The following GRB10 variants were observed in gnomAD, a reference collection of about 807,000 sequenced individuals.
GRB10 encodes growth factor receptor bound protein 10, also known as growth factor receptor-bound protein 10.
Under a neutral mutation model 80.9 loss-of-function variants are expected in GRB10, and 20 were observed. The observed-to-expected ratio is 0.25, with a 90% CI of 0.17 to 0.36. The LOEUF is 0.36. Ranked by LOEUF, GRB10 falls within the 10% of genes least tolerant of loss-of-function variation. The pLI is 1.00. For missense variants in GRB10, 548 were observed against 747.7 expected (o/e 0.73, Z 3.12); for synonymous variants, 291 against 291.5 (o/e 1.00, Z 0.02).
chr7:50,601,754 T>G (rs1221370246), intron 17 of GRB10, among the ~76,000 whole-genome samples: 2 of 152,170 alleles, frequency 1.3e-5, no homozygotes, highest in African/African-American at 4.8e-5. Flanking sequence ...AACCCAACAT[T>G]TATTTTTTGT....
At chr7:50,661,893 C>A in intron 7 of GRB10, among the ~76,000 whole-genome samples, 1 of 152,308 alleles carries the variant, frequency 6.6e-6, no homozygotes, top group Admixed American at 6.5e-5. Flanking sequence ...GGACAAGTGC[C>A]GTGACACAGG....
At chr7:50,778,158 A>G (rs568445117) in intron 2 of GRB10, among the ~76,000 whole-genome samples, 15 of 152,322 alleles carry the variant, frequency 9.8e-5, no homozygotes, top group Non-Finnish European at 1.9e-4. Flanking sequence ...ATTTGGAACC[A>G]CCATAGTCTA....
At chr7:50,653,168 C>G (rs528054119) in intron 7 of GRB10, among the ~76,000 whole-genome samples, 1 of 152,168 alleles carries the variant, frequency 6.6e-6, no homozygotes, top group African/African-American at 2.4e-5. Flanking sequence ...TTCCTGGGCA[C>G]GGGCAGCAGG....
At chr7:50,761,457 A>T (rs1240894761) in intron 2 of GRB10, among the ~76,000 whole-genome samples, 1 of 152,202 alleles carries the variant, frequency 6.6e-6, no homozygotes, top group African/African-American at 2.4e-5. Context: ...GAAAGATTTT[A>T]GTGGTGAGGT....
In GRB10 at chr7:50,595,638, G is replaced by C. The variant is rs889431557; in HGVS notation, c.1545-108C>G. 6.1e-5 allele frequency: 20 copies of C among 325,346 alleles called. 1 individual carries two copies. Among genetic ancestry groups the C allele is most frequent in the South Asian group, 1.0e-4 (2 of 19,280 alleles). The allele number at this position is 325,346 out of a possible 1,614,324, so 20.2% of individuals were successfully genotyped here. ...ACACACACACACACACACACACACA[G>C]GCTTGGAGCCACAATGCTTCAGTGC... On this transcript the variant is annotated intron_variant, in intron 17 of 18. Transcript: ENST00000401949.
intron 14 of GRB10, among the ~76,000 whole-genome samples, 168 bp downstream of exon 14, chr7:50,606,169 T>C (rs1053470826): frequency 2.0e-5 from 3 of 152,208 alleles, no homozygotes; most frequent in Non-Finnish European, 4.4e-5. Flanking sequence ...CGTTGCACTG[T>C]TGAGACTACA....
At chr7:50,723,324 T>A (rs1296134316) in intron 4 of GRB10, among the ~76,000 whole-genome samples, 1 of 152,194 alleles carries the variant, frequency 6.6e-6, no homozygotes, top group Admixed American at 6.5e-5. Flanking sequence ...ATTACTTGGG[T>A]ACATCCTTTA....
rs2066314782 is a variant in GRB10, at chr7:50,713,659, TCCTCCACCACCA to T, written c.52-9763_52-9752del. Among the ~76,000 whole-genome samples the T allele has an allele frequency of 4.3e-5, 3 of 69,902 alleles. No individual in the cohort carries two copies. In the South Asian group the frequency reaches 1.8e-3, roughly 42 times the overall value. 45.9% of individuals were successfully genotyped at this position (69,902 alleles called of 152,430 possible). On this transcript the variant is annotated intron_variant, in intron 4 of 18. Transcript: ENST00000401949. ...CTCCACCTCCCCCATCACCTCCACC[TCCTCCACCACCA>T]CCTCCACCTCCTCCATTGTCACCTC...
chr7:50,624,811 A>AT (rs1296770649), intron 8 of GRB10, among the ~76,000 whole-genome samples: 2 of 151,840 alleles, frequency 1.3e-5, no homozygotes, highest in Non-Finnish European at 2.9e-5. Flanking sequence ...GAGGTTCGTT[A>AT]TTTTTTTATT....
At chr7:50,614,140 C>CCT (rs1200221635) in intron 12 of GRB10, among the ~76,000 whole-genome samples, 16 of 152,180 alleles carry the variant, frequency 1.1e-4, no homozygotes, top group Admixed American at 1.0e-3. Context: ...TAGGTGTGTG[C>CCT]ACATGTGTAT....
In GRB10 at chr7:50,591,959, G is replaced by GACTC. The variant is rs2045893059; in HGVS notation, c.*989_*992dup. 6.6e-6 allele frequency: 1 copy of GACTC among 152,228 alleles called. No homozygotes were observed. The highest frequency in any genetic ancestry group is 2.4e-5 in the African/African-American group (1 of 41,454). The allele number at this position is 152,228 out of a possible 1,614,324, so 9.4% of individuals were successfully genotyped here. A position where few individuals can be genotyped will look rare whatever the true frequency, so the allele number is the denominator to read the frequency against. On this transcript the variant is annotated 3_prime_UTR_variant, in exon 19 of 19. Transcript: ENST00000401949. Reference sequence around the variant, plus strand: ...CCCCGAGGGACATCAGCCGTGAAACGACTCACACCACTGCAGCAGCAGGGG... The same window carrying GACTC: ...CCCCGAGGGACATCAGCCGTGAAACGACTCACTCACACCACTGCAGCAGCAGGGG...
In GRB10 at chr7:50,592,895, C is replaced by G. The variant is rs997888132; in HGVS notation, c.*57G>C. 6.3e-7 allele frequency: 1 copy of G among 1,594,428 alleles called. No homozygotes were observed. Reference sequence around the variant, plus strand: ...GTGTGTTCTTCACCAACGCACAGACCGCTTCTTCACTCCAGTGTTCACTTC... The same window carrying G: ...GTGTGTTCTTCACCAACGCACAGACGGCTTCTTCACTCCAGTGTTCACTTC... On this transcript the variant is annotated 3_prime_UTR_variant, in exon 19 of 19. Coordinates refer to ENST00000401949, the MANE Select transcript of GRB10 (RefSeq NM_001350814.2).
At chr7:50,694,385 C>T (rs1478134232) in intron 5 of GRB10, among the ~76,000 whole-genome samples, 1 of 152,142 alleles carries the variant, frequency 6.6e-6, no homozygotes, top group Admixed American at 6.5e-5. Flanking sequence ...CCACTGATAC[C>T]AATACAAGAG....
chr7:50,600,809 C>T (rs1208037828), intron 17 of GRB10, among the ~76,000 whole-genome samples: 2 of 152,162 alleles, frequency 1.3e-5, no homozygotes, highest in Non-Finnish European at 2.9e-5. Context: ...CAGCATGACT[C>T]TCAGATGAAG....
chr7:50,629,507 C>A (rs1404861172), intron 7 of GRB10, among the ~76,000 whole-genome samples: 1 of 152,150 alleles, frequency 6.6e-6, no homozygotes, highest in Non-Finnish European at 1.5e-5. Flanking sequence ...CAGCGACAGG[C>A]CCCTCTGCCC....
intron 4 of GRB10, among the ~76,000 whole-genome samples, chr7:50,731,561 G>C (rs577984671): frequency 6.6e-6 from 1 of 152,266 alleles, no homozygotes; most frequent in Non-Finnish European, 1.5e-5. Flanking sequence ...GATGAACCAG[G>C]ATTCGCGAAT....
chr7:50,659,714 A>T (rs2059044139), intron 7 of GRB10, among the ~76,000 whole-genome samples: 1 of 152,198 alleles, frequency 6.6e-6, no homozygotes, highest in Non-Finnish European at 1.5e-5. Context: ...CACCTAGAGG[A>T]GCATATTACA....
chr7:50,612,713 T>G (rs1371627443), intron 13 of GRB10, 28 bp downstream of exon 13: 2 of 1,534,516 alleles, frequency 1.3e-6, no homozygotes, highest in Admixed American at 1.7e-5. Flanking sequence ...AGATGTGCAC[T>G]CAACACAAAC....
At chr7:50,729,416 G>T (rs904582918) in intron 4 of GRB10, 4 of 152,150 alleles carry the variant, frequency 2.6e-5, no homozygotes, top group African/African-American at 7.2e-5. Flanking sequence ...GATAATAAAT[G>T]TTGCTTTTAT....
Sources: gnomAD v4.1 joint callset for allele counts (sites outside exome capture counted in the v4.1 genomes callset) on GRCh38, gnomAD v4.1.1 for gene constraint, MANE v1.5 for transcripts, NCBI Gene and HGNC (gene_info 2026-07-23, HGNC 2026-07-21) for gene names.